The following PCDH9 variants were observed in gnomAD, a reference collection of about 807,000 sequenced individuals.
PCDH9 encodes protocadherin-9.
PCDH9 carries 24 observed loss-of-function variants against 70.6 expected under a neutral mutation model. The ratio of observed to expected loss-of-function variants is 0.34; its 90% CI spans 0.25 to 0.48. PCDH9 has a LOEUF of 0.48. Among genes scored for constraint, PCDH9 ranks in the 20% least tolerant of loss-of-function variants. PCDH9 has a pLI of 0.99. For synonymous variants in PCDH9, 562 were observed against 558.5 expected (o/e 1.01, Z -0.09); for missense variants, 1,281 against 1,503.6 (o/e 0.85, Z 2.45).
At chr13:67,161,176 G>A (rs1228350738) in intron 2 of PCDH9, among the ~76,000 whole-genome samples, 2 of 152,186 alleles carry the variant, frequency 1.3e-5, no homozygotes, top group African/African-American at 2.4e-5. Context: ...AAAATAGTTA[G>A]ACAATTCTCT....
chr13:67,211,649 T>C (rs751104117), intron 2 of PCDH9: 4 of 152,114 alleles, frequency 2.6e-5, no homozygotes, highest in Non-Finnish European at 5.9e-5. Flanking sequence ...ATTTTCAGGA[T>C]ATGTATGTTT....
intron 3 of PCDH9, among the ~76,000 whole-genome samples, chr13:66,900,915 A>G (rs2082266203): frequency 6.6e-6 from 1 of 151,836 alleles, no homozygotes; most frequent in Non-Finnish European, 1.5e-5. Context: ...TACCAGGCTC[A>G]GTACAGAATT....
chr13:66,453,288 A>T (rs1252793302), intron 4 of PCDH9, among the ~76,000 whole-genome samples: 1 of 152,094 alleles, frequency 6.6e-6, no homozygotes, highest in Non-Finnish European at 1.5e-5. Context: ...CTGCCTTAAA[A>T]ATCTGACTCC....
chr13:66,461,664 A>G (rs1193898440), intron 4 of PCDH9, among the ~76,000 whole-genome samples: 1 of 151,714 alleles, frequency 6.6e-6, no homozygotes, highest in African/African-American at 2.4e-5. Context: ...TTAGAAGTTC[A>G]TTGTTTTATG....
chr13:66,315,492 G>GT (rs956340111), intron 4 of PCDH9, among the ~76,000 whole-genome samples: 24 of 149,698 alleles, frequency 1.6e-4, no homozygotes, highest in East Asian at 1.6e-3. Context: ...TTTTTTTTTT[G>GT]TTTTTTTGAA....
At chr13:67,201,749 A>G (rs1250932080) in intron 2 of PCDH9, 1 of 152,022 alleles carries the variant, frequency 6.6e-6, no homozygotes, top group African/African-American at 2.4e-5. Context: ...TCAATTTTCA[A>G]TTGGGAAAAT....
chr13:66,751,790 C>T (rs377021385), intron 3 of PCDH9, among the ~76,000 whole-genome samples: 18 of 152,256 alleles, frequency 1.2e-4, no homozygotes, highest in East Asian at 7.7e-4. Context: ...TAAATAGTTA[C>T]GGTGACTGTT....
intron 2 of PCDH9, among the ~76,000 whole-genome samples, chr13:67,000,546 A>G (rs954754114): frequency 2.6e-5 from 4 of 151,954 alleles, no homozygotes; most frequent in Non-Finnish European, 5.9e-5. Context: ...AACAAATCCA[A>G]TAAAGTTGGA....
At position 66,743,433 on chromosome 13, in the gene PCDH9, A is replaced by G. The variant is rs955114349; in HGVS notation, c.3139-112022T>C. Among the ~76,000 whole-genome samples the G allele has an allele frequency of 1.9e-4, 28 of 149,640 alleles. No homozygotes were observed. The East Asian group carries it at 5.6e-3, about 30-fold the overall frequency. On this transcript the variant is annotated intron_variant, in intron 3 of 4. Transcript: ENST00000377865. Reference sequence around the variant, plus strand: ...TGGGTGCAGCGCACCAGCATGGCACATGTATACATATGTAACTAACCTGCA... The same window carrying G: ...TGGGTGCAGCGCACCAGCATGGCACGTGTATACATATGTAACTAACCTGCA...
At chr13:67,026,454 A>T (rs1422630923) in intron 2 of PCDH9, among the ~76,000 whole-genome samples, 4 of 152,136 alleles carry the variant, frequency 2.6e-5, no homozygotes, top group Non-Finnish European at 5.9e-5. Context: ...CACAGCCCAT[A>T]TCATACTGAA....
chr13:66,306,545 A>T (rs913655679), intron 4 of PCDH9, among the ~76,000 whole-genome samples: 1 of 151,392 alleles, frequency 6.6e-6, no homozygotes, highest in Non-Finnish European at 1.5e-5. Flanking sequence ...ATATAAAAAA[A>T]TTGTTTAAAA....
chr13:67,042,659 C>T (rs372097708), intron 2 of PCDH9, among the ~76,000 whole-genome samples: 1 of 152,288 alleles, frequency 6.6e-6, no homozygotes, highest in African/African-American at 2.4e-5. Context: ...GTCTTTCTTA[C>T]TATTCATTCA....
chr13:66,798,521 T>G (rs2080279739), intron 3 of PCDH9, among the ~76,000 whole-genome samples: 1 of 152,102 alleles, frequency 6.6e-6, no homozygotes, highest in Non-Finnish European at 1.5e-5. Context: ...CCCCATGCAT[T>G]TGTATAATAG....
intron 3 of PCDH9, among the ~76,000 whole-genome samples, chr13:66,727,356 G>T (rs991674766): frequency 2.0e-5 from 3 of 152,114 alleles, no homozygotes; most frequent in African/African-American, 7.2e-5. Flanking sequence ...TATAAGAGGA[G>T]AGTTCATGTT....
chr13:66,758,542 T>C (rs2079572479), intron 3 of PCDH9, among the ~76,000 whole-genome samples: 1 of 152,072 alleles, frequency 6.6e-6, no homozygotes, highest in African/African-American at 2.4e-5. Flanking sequence ...ACATGATAAT[T>C]TATTCCTTCT....
In PCDH9 at chr13:66,866,421, G is replaced by A. The variant is rs190832690; in HGVS notation, c.3138+37083C>T. Among the ~76,000 whole-genome samples the A allele has an allele frequency of 4.9e-3, 753 of 152,156 alleles. 3 individuals carry two copies. Among genetic ancestry groups the A allele is most frequent in the Admixed American group, 9.4e-3 (143 of 15,272 alleles). On this transcript the variant is annotated intron_variant, in intron 3 of 4. Coordinates refer to ENST00000377865, the MANE Select transcript of PCDH9 (RefSeq NM_203487.3). The stretch of plus-strand genomic sequence containing the variant: ...GGCGGGAACCCGGGAGGCAGAGCTT[G>A]CAGTGAGCTGAGATTGCGCCACTGC...
intron 3 of PCDH9, among the ~76,000 whole-genome samples, chr13:66,817,546 ATACT>A (rs928756306): frequency 6.7e-4 from 102 of 152,022 alleles, no homozygotes; most frequent in African/African-American, 2.2e-3. Flanking sequence ...GTAATATTTA[ATACT>A]TAGACTTTCT....
chr13:66,775,988 T>A (rs916823760), intron 3 of PCDH9, among the ~76,000 whole-genome samples: 1 of 152,188 alleles, frequency 6.6e-6, no homozygotes, highest in Admixed American at 6.5e-5. Context: ...GGAGGCCCCA[T>A]GCAACTGCTT....
intron 2 of PCDH9, among the ~76,000 whole-genome samples, chr13:67,153,167 G>GTT (rs35270745): frequency 1.4e-5 from 2 of 146,246 alleles, no homozygotes; most frequent in African/African-American, 2.5e-5. Context: ...CCCTTTCACA[G>GTT]TTTTTTTTTT....
Sources: allele counts gnomAD v4.1 joint callset (sites outside exome capture counted in the v4.1 genomes callset), GRCh38; gene constraint gnomAD v4.1.1; transcripts MANE v1.5; gene names NCBI Gene and HGNC (gene_info 2026-07-23, HGNC 2026-07-21).